The following DCHS2 variants were observed in gnomAD, a reference collection of about 807,000 sequenced individuals.
DCHS2 encodes the protein dachsous cadherin-related 2, also known as protocadherin-23.
Under a neutral mutation model 182.4 loss-of-function variants are expected in DCHS2, and 142 were observed. The ratio of observed to expected loss-of-function variants is 0.78; its 90% CI spans 0.68 to 0.89. DCHS2 has a LOEUF of 0.89. Ranked by LOEUF, DCHS2 falls within the 40% of genes least tolerant of loss-of-function variation. DCHS2 has a pLI of 0.00. For missense variants in DCHS2, 4,319 were observed against 4,198.6 expected (o/e 1.03, Z -0.79); for synonymous variants, 1,740 against 1,663.3 (o/e 1.05, Z -1.12).
intron 1 of DCHS2, among the ~76,000 whole-genome samples, chr4:154,409,582 T>C (rs960117927): frequency 6.6e-6 from 1 of 152,060 alleles, no homozygotes. Flanking sequence ...TGGGTAATCT[T>C]CATCCAAACA....
chr4:154,370,256 T>A (rs1260892804), intron 2 of DCHS2, among the ~76,000 whole-genome samples: 1 of 151,374 alleles, frequency 6.6e-6, no homozygotes, highest in Non-Finnish European at 1.5e-5. Flanking sequence ...CAGATAAAAA[T>A]AAATAAAGAA....
chr4:154,291,837 G>A (rs988281528), intron 13 of DCHS2, among the ~76,000 whole-genome samples: 13 of 152,006 alleles, frequency 8.6e-5, no homozygotes, highest in Non-Finnish European at 1.6e-4. Context: ...TGGTAATGGT[G>A]AATGGGTACA....
In DCHS2 at chr4:154,297,855, C is replaced by T. The variant is rs1735002691; in HGVS notation, c.6459G>A (p.Glu2153=). Residue 2153 remains glutamate (E), a synonymous_variant, in exon 13 of 20, where the codon GAG becomes GAA. Coordinates refer to ENST00000357232, the MANE Select transcript of DCHS2 (RefSeq NM_001358235.2). ...LYKGLVTENC[E]AGTSIVTVKA... ...AAAACTTGAAGGGACACTCACCTGC[C>T]TCACAATTTTCAGTCACGAGCCCTT... is the stretch of plus-strand genomic sequence containing the variant. 6.2e-7 allele frequency: 1 copy of T among 1,605,066 alleles called. No homozygotes were observed.
chr4:154,333,483 G>C lies in DCHS2; in HGVS notation c.2725C>G (p.Pro909Ala). Reference sequence around the variant, plus strand: ...CCAGAAGAAATCCTGTAAAAGATTGGTTCTGAGGAGTCTGAAAAAGAGAGA... The same window carrying C: ...CCAGAAGAAATCCTGTAAAAGATTGCTTCTGAGGAGTCTGAAAAAGAGAGA... ...KAREPLNSSE[P>A]IFYRISSGDL... The change falls in exon 5 of 20, where the codon CCA becomes GCA. Residue 909 changes from proline to alanine, a missense_variant. Transcript: ENST00000357232. The C allele has an allele frequency of 6.2e-7, 1 of 1,607,554 alleles. No homozygotes were observed. Among genetic ancestry groups the C allele is most frequent in the Non-Finnish European group, 8.5e-7 (1 of 1,175,128 alleles).
chr4:154,488,686 T>A (rs1480171776), intron 1 of DCHS2, among the ~76,000 whole-genome samples: 2 of 152,090 alleles, frequency 1.3e-5, no homozygotes, highest in Admixed American at 1.3e-4. Flanking sequence ...GCAGATCACC[T>A]GAGGTCAGGA....
Position 154,233,424 on chromosome 4 carries a change from G to A in DCHS2, c.*1112C>T, listed in dbSNP as rs1461780656. 2 of 152,196 alleles carry A rather than the reference G, an allele frequency of 1.3e-5. No individual in the cohort carries two copies. Among genetic ancestry groups the A allele is most frequent in the African/African-American group, 2.4e-5 (1 of 41,448 alleles). The allele number at this position is 152,196 out of a possible 1,614,324, so 9.4% of individuals were successfully genotyped here. On this transcript the variant is annotated 3_prime_UTR_variant, in exon 20 of 20. Transcript: ENST00000357232. ...AATGACAGTTAAATTAAAGCTGCAA[G>A]TGTGTGAGCAAATGGTAAAAAGACT... is the stretch of plus-strand genomic sequence containing the variant.
chr4:154,270,369 C>T (rs17031328), intron 13 of DCHS2, among the ~76,000 whole-genome samples: 7 of 151,730 alleles, frequency 4.6e-5, no homozygotes, highest in African/African-American at 1.5e-4. Flanking sequence ...AAGCACCAGA[C>T]TTTAGAGAGG....
intron 2 of DCHS2, among the ~76,000 whole-genome samples, chr4:154,376,876 G>A (rs1730924370): frequency 6.6e-6 from 1 of 152,178 alleles, no homozygotes; most frequent in African/African-American, 2.4e-5. Flanking sequence ...GACTGTTACA[G>A]ATGGAAACTT....
intron 13 of DCHS2, among the ~76,000 whole-genome samples, chr4:154,283,727 G>A (rs940588679): frequency 6.6e-6 from 1 of 152,198 alleles, no homozygotes; most frequent in Non-Finnish European, 1.5e-5. Flanking sequence ...TTTAAGACAT[G>A]AGTTTGAGAA....
At chr4:154,388,609 C>T (rs1428918154) in intron 1 of DCHS2, among the ~76,000 whole-genome samples, 2 of 151,540 alleles carry the variant, frequency 1.3e-5, no homozygotes, top group Non-Finnish European at 2.9e-5. Context: ...ATTCTCCTGC[C>T]TCAGCCTCCT....
chr4:154,396,779 T>C (rs1731943845), intron 1 of DCHS2, among the ~76,000 whole-genome samples: 1 of 152,162 alleles, frequency 6.6e-6, no homozygotes, highest in South Asian at 2.1e-4. Context: ...TCATAATTCA[T>C]TTATTTGAAT....
intron 16 of DCHS2, among the ~76,000 whole-genome samples, chr4:154,250,710 T>C (rs148598786): frequency 1.3e-3 from 202 of 152,302 alleles, no homozygotes; most frequent in African/African-American, 4.5e-3. Context: ...CACTGCACCA[T>C]CCATGTAACA....
chr4:154,420,242 C>CAGATAGAT (rs1203718158), intron 1 of DCHS2, among the ~76,000 whole-genome samples: 16 of 134,940 alleles, frequency 1.2e-4, no homozygotes, highest in African/African-American at 4.0e-4. Context: ...GGGAGACAGA[C>CAGATAGAT]AGACAGATAG....
intron 2 of DCHS2, among the ~76,000 whole-genome samples, chr4:154,375,027 T>C (rs1160918964): frequency 6.6e-6 from 1 of 152,148 alleles, no homozygotes; most frequent in African/African-American, 2.4e-5. Context: ...GAATGTATGA[T>C]ACCATGACCT....
intron 1 of DCHS2, among the ~76,000 whole-genome samples, chr4:154,480,657 A>G (rs1735885039): frequency 6.6e-6 from 1 of 152,272 alleles, no homozygotes; most frequent in East Asian, 1.9e-4. Flanking sequence ...CATTTAAAAT[A>G]GAAAATAAAG....
At chr4:154,427,983 A>C (rs868326751) in intron 1 of DCHS2, among the ~76,000 whole-genome samples, 2 of 152,258 alleles carry the variant, frequency 1.3e-5, no homozygotes, top group African/African-American at 4.8e-5. Context: ...AGAGAAGTGC[A>C]TATGAAGGCA....
At chr4:154,369,362 T>G (rs1171268968) in intron 2 of DCHS2, among the ~76,000 whole-genome samples, 1 of 152,224 alleles carries the variant, frequency 6.6e-6, no homozygotes, top group African/African-American at 2.4e-5. Context: ...TGTTCCCCAC[T>G]CTTTTTAGGC....
At position 154,489,589 on chromosome 4, in the gene DCHS2, G is replaced by A. The variant is rs866270178; in HGVS notation, c.1767C>T (p.Leu589=). ...TVVQLSAPCN[L]GSLQSKMVHT... is the part of the protein sequence containing the mutation. The stretch of plus-strand genomic sequence containing the variant: ...GGACCATCTTTGATTGCAGGGAGCC[G>A]AGATTGCAGGGAGCCGAGAGTTGGA... The change falls in exon 1 of 20, where the codon CTC becomes CTT. Residue 589 remains leucine (L), a synonymous_variant. Transcript: ENST00000357232. 1.3e-6 allele frequency: 2 copies of A among 1,550,724 alleles called. No individual in the cohort carries two copies. Among genetic ancestry groups the A allele is most frequent in the South Asian group, 1.2e-5 (1 of 84,038 alleles).
intron 18 of DCHS2, among the ~76,000 whole-genome samples, 193 bp downstream of exon 18, chr4:154,240,344 C>CTT (rs1401148418): frequency 6.6e-6 from 1 of 151,620 alleles, no homozygotes; most frequent in Non-Finnish European, 1.5e-5. Context: ...TAAACTAAAC[C>CTT]GAATGAGACA....
Sources: allele counts gnomAD v4.1 joint callset (sites outside exome capture counted in the v4.1 genomes callset), GRCh38; gene constraint gnomAD v4.1.1; transcripts MANE v1.5; gene names NCBI Gene and HGNC (gene_info 2026-07-23, HGNC 2026-07-21).